The following UNC13B variants were observed in gnomAD, a reference collection of about 807,000 sequenced individuals.
UNC13B encodes protein unc-13 homolog B.
In UNC13B, 144 loss-of-function variants were observed where a neutral mutation model predicts 211.0. That is an observed-to-expected ratio of 0.68 (90% CI 0.60 to 0.78). The LOEUF (loss-of-function observed/expected upper bound fraction) is 0.78. Ranked by LOEUF, UNC13B falls within the 30% of genes least tolerant of loss-of-function variation. The pLI, the probability that UNC13B is intolerant of heterozygous loss-of-function variation, is 0.00. For missense variants in UNC13B, 1,777 were observed against 2,002.0 expected, an observed-to-expected ratio of 0.89 and a Z score of 2.14; for synonymous variants, 709 against 725.8, an observed-to-expected ratio of 0.98 and a Z score of 0.37.
intron 21 of UNC13B, among the ~76,000 whole-genome samples, chr9:35,383,026 G>C (rs909349183): frequency 6.6e-6 from 1 of 152,164 alleles, no homozygotes; most frequent in Admixed American, 6.5e-5. Context: ...AAGGTGGTTG[G>C]GGGTGGTACC....
intron 11 of UNC13B, among the ~76,000 whole-genome samples, chr9:35,347,002 G>A (rs1035394332): frequency 6.6e-6 from 1 of 151,426 alleles, no homozygotes; most frequent in African/African-American, 2.4e-5. Context: ...CTGTGCTCAA[G>A]CGATCCTCCC....
intron 37 of UNC13B, among the ~76,000 whole-genome samples, chr9:35,400,684 C>T (rs1836238951): frequency 6.6e-6 from 1 of 152,196 alleles, no homozygotes; most frequent in Non-Finnish European, 1.5e-5. Flanking sequence ...CAGACATTGC[C>T]TGGCCCATGC....
intron 7 of UNC13B, among the ~76,000 whole-genome samples, chr9:35,279,576 T>C (rs781355012): frequency 4.6e-5 from 7 of 152,348 alleles, no homozygotes; most frequent in Non-Finnish European, 1.0e-4. Flanking sequence ...TGGCTATTAA[T>C]GTACATTTAA....
chr9:35,374,738 C>G (rs77528431), intron 13 of UNC13B, among the ~76,000 whole-genome samples: 4,473 of 152,278 alleles, frequency 0.029, 230 homozygotes, highest in African/African-American at 0.1. Context: ...GAATGTGACT[C>G]TGACAGAGTT....
At chr9:35,374,947 G>T (rs1834299634) in intron 13 of UNC13B, among the ~76,000 whole-genome samples, 180 bp from the exon 14 acceptor site, 1 of 152,200 alleles carries the variant, frequency 6.6e-6, no homozygotes, top group South Asian at 2.1e-4. Flanking sequence ...GAGGGCCTTG[G>T]GTTTTGCATC....
intron 6 of UNC13B, among the ~76,000 whole-genome samples, chr9:35,248,688 A>G (rs1224423023): frequency 6.6e-6 from 1 of 152,064 alleles, no homozygotes; most frequent in Non-Finnish European, 1.5e-5. Context: ...ATTACTCCTG[A>G]GTTCTAGTTT....
chr9:35,311,537 T>C (rs1282769467), intron 10 of UNC13B, among the ~76,000 whole-genome samples: 3 of 152,186 alleles, frequency 2.0e-5, no homozygotes, highest in Non-Finnish European at 4.4e-5. Flanking sequence ...TACAGGTATA[T>C]GTGTATGTGT....
rs191913489 is a variant in UNC13B at position 35,192,375 on chromosome 9, A to C, written c.22+30070A>C. On this transcript the variant is annotated intron_variant, in intron 1 of 39. Transcript: ENST00000635942. Reference sequence around the variant, plus strand: ...GCTTATTATAGGAGACATATTGTACATTTCCAAAATTCTCTGCCTTCTGCA... The same window carrying C: ...GCTTATTATAGGAGACATATTGTACCTTTCCAAAATTCTCTGCCTTCTGCA... 3.3e-3 allele frequency among the ~76,000 whole-genome samples: 506 copies of C among 152,252 alleles called. 3 individuals are homozygous for C. The highest frequency in any genetic ancestry group is 5.4e-3 in the Non-Finnish European group (367 of 68,028).
chr9:35,334,211 C>T (rs1418531130), intron 11 of UNC13B, among the ~76,000 whole-genome samples: 1 of 152,132 alleles, frequency 6.6e-6, no homozygotes, highest in East Asian at 1.9e-4. Flanking sequence ...GGTGATCTGC[C>T]CGCTCTGGCC....
chr9:35,376,054 G>T lies in UNC13B; in HGVS notation c.9642G>T (p.Leu3214=). 2 of 1,614,218 alleles carry T rather than the reference G, an allele frequency of 1.2e-6. No individual in the cohort carries two copies. Among genetic ancestry groups the T allele is most frequent in the Non-Finnish European group, 1.7e-6 (2 of 1,180,034 alleles). The change falls in exon 15 of 40, where the codon CTG becomes CTT. Residue 3214 remains leucine (L), a synonymous_variant. Coordinates refer to ENST00000635942, the MANE Select transcript of UNC13B (RefSeq NM_001371189.2). ...ELKSHVYKKT[L]QALIYPISCT... ...AATCCCACGTGTATAAGAAAACCCT[G>T]CAGGCCTTAATCTACCCCATTTCGT...
intron 20 of UNC13B, among the ~76,000 whole-genome samples, chr9:35,381,941 G>A (rs1834869023): frequency 6.6e-6 from 1 of 152,224 alleles, no homozygotes; most frequent in African/African-American, 2.4e-5. Flanking sequence ...CTGCCTCAGA[G>A]TTGAGGGAAC....
intron 7 of UNC13B, among the ~76,000 whole-genome samples, chr9:35,266,160 C>T (rs1158732869): frequency 2.0e-5 from 3 of 152,140 alleles, no homozygotes; most frequent in African/African-American, 7.2e-5. Flanking sequence ...TGGAAGTCAT[C>T]CCACTGTTAA....
chr9:35,366,367 T>TC (rs1171701280), intron 11 of UNC13B, among the ~76,000 whole-genome samples: 1 of 152,194 alleles, frequency 6.6e-6, no homozygotes, highest in Non-Finnish European at 1.5e-5. Context: ...AGAATGATAA[T>TC]CCAAGTGTCT....
intron 6 of UNC13B, among the ~76,000 whole-genome samples, chr9:35,253,126 A>G (rs1004540330): frequency 6.6e-6 from 1 of 152,072 alleles, no homozygotes; most frequent in Non-Finnish European, 1.5e-5. Context: ...ATATTTGATA[A>G]TGTATTTCAG....
intron 11 of UNC13B, among the ~76,000 whole-genome samples, chr9:35,357,999 T>C (rs1833145342): frequency 6.6e-6 from 1 of 152,232 alleles, no homozygotes; most frequent in African/African-American, 2.4e-5. Flanking sequence ...TCTGTCTCTA[T>C]GAATTTGATT....
At chr9:35,317,904 A>G (rs1830546668) in intron 11 of UNC13B, among the ~76,000 whole-genome samples, 1 of 152,008 alleles carries the variant, frequency 6.6e-6, no homozygotes, top group Admixed American at 6.6e-5. Flanking sequence ...TTTATTTCTA[A>G]GTTTTTTAAA....
intron 11 of UNC13B, among the ~76,000 whole-genome samples, chr9:35,356,887 A>G (rs1225141614): frequency 1.3e-5 from 2 of 152,196 alleles, no homozygotes; most frequent in Non-Finnish European, 2.9e-5. Flanking sequence ...TGTGTCTGGC[A>G]TGATGTTTTT....
intron 4 of UNC13B, 41 bp downstream of exon 4, chr9:35,236,627 C>A (rs1825529239): frequency 5.3e-6 from 8 of 1,521,944 alleles, no homozygotes; most frequent in Non-Finnish European, 6.4e-6. Context: ...TGGTTCCCAG[C>A]CCATGCTTCT....
rs936198024 is a variant in UNC13B at position 35,316,217 on chromosome 9, TATTA to T, written c.9414+2237_9414+2240del. ...CTTTCTGTTTCTATTATTCTTTCTA[TATTA>T]ATTAATTAGTTGGCACTCTATTTTT... On this transcript the variant is annotated intron_variant, in intron 11 of 39. Transcript: ENST00000635942. Among the ~76,000 whole-genome samples the T allele has an allele frequency of 5.3e-5, 8 of 152,358 alleles. No homozygotes were observed. In the East Asian group the frequency reaches 5.8e-4, roughly 11 times the overall value.
Sources: allele counts gnomAD v4.1 joint callset (sites outside exome capture counted in the v4.1 genomes callset), GRCh38; gene constraint gnomAD v4.1.1; transcripts MANE v1.5; gene names NCBI Gene and HGNC (gene_info 2026-07-23, HGNC 2026-07-21).